The following DNAH17 variants were observed in gnomAD, a reference collection of about 807,000 sequenced individuals.
DNAH17 encodes the protein axonemal beta dynein heavy chain 17.
A neutral mutation model predicts 485.6 loss-of-function variants in DNAH17; 376 were observed. The observed-to-expected ratio is 0.77, with a 90% CI of 0.71 to 0.84. DNAH17 has a LOEUF of 0.84. DNAH17 is among the 40% of genes least tolerant of loss of function. The probability of loss-of-function intolerance (pLI) is 0.00; values close to 1 mark genes in which losing one functional copy is unlikely to be tolerated. For missense variants in DNAH17, 6,370 were observed against 5,839.3 expected (o/e 1.09, Z -2.96); for synonymous variants, 3,031 against 2,405.9 (o/e 1.26, Z -7.60).
chr17:78,494,475 T>C (rs1191599653), intron 40 of DNAH17, 118 bp downstream of exon 40: 2 of 1,207,846 alleles, frequency 1.7e-6, no homozygotes, highest in African/African-American at 1.5e-5. Context: ...AGAGGTCTCT[T>C]TGTAGCATCG....
chr17:78,542,729 G>A (rs939698430), intron 17 of DNAH17, among the ~76,000 whole-genome samples: 1 of 152,206 alleles, frequency 6.6e-6, no homozygotes, highest in Non-Finnish European at 1.5e-5. Context: ...CTGGCAAGAA[G>A]GACCAGCTGG....
chr17:78,481,871 C>T (rs2089363276), intron 48 of DNAH17, among the ~76,000 whole-genome samples: 1 of 151,936 alleles, frequency 6.6e-6, no homozygotes, highest in Non-Finnish European at 1.5e-5. Flanking sequence ...AAAAATTAGC[C>T]AGGCATGGTG....
At position 78,502,902 on chromosome 17, in the gene DNAH17, A is replaced by AG. The variant is rs2090349948; in HGVS notation, c.5065dup (p.Leu1689ProfsTer32). ...GCCTCAGACCTGGGCTGGGTAGTCC[A>AG]GGATCCACTGCTCCCTCGGCTTCTC... is the stretch of plus-strand genomic sequence containing the variant. On this transcript the variant is annotated frameshift_variant, in exon 32 of 81. Coordinates refer to ENST00000389840, the MANE Select transcript of DNAH17 (RefSeq NM_173628.4). LOFTEE classifies it high-confidence loss of function. The AG allele has an allele frequency of 6.2e-7, 1 of 1,613,912 alleles. No homozygotes were observed. Among genetic ancestry groups the AG allele is most frequent in the Non-Finnish European group, 8.5e-7 (1 of 1,179,922 alleles).
intron 36 of DNAH17, 133 bp from the exon 37 acceptor site, chr17:78,499,245 C>T (rs1245592296): frequency 6.7e-6 from 4 of 601,098 alleles, no homozygotes; most frequent in Non-Finnish European, 1.1e-5. Context: ...TGCATTGGAG[C>T]CTTCCGCAGG....
At position 78,572,906 on chromosome 17, in the gene DNAH17, C is replaced by T. The variant is rs533307182; in HGVS notation, c.346-12G>A. ...AGAGAAGAGAGGACCTAAAAGGAAA[C>T]ACTTCTGTGGTTCCGCCCCCTGTGC... On this transcript the variant is annotated splice_polypyrimidine_tract_variant and intron_variant, in intron 2 of 80. Coordinates refer to ENST00000389840, the MANE Select transcript of DNAH17 (RefSeq NM_173628.4). 3.1e-6 allele frequency: 5 copies of T among 1,611,570 alleles called. No homozygotes were observed. In the African/African-American group the frequency reaches 6.7e-5, roughly 21 times the overall value.
chr17:78,456,912 C>T (rs2087828263), intron 62 of DNAH17, among the ~76,000 whole-genome samples: 1 of 152,330 alleles, frequency 6.6e-6, no homozygotes, highest in Admixed American at 6.5e-5. Flanking sequence ...ACACAGCTTG[C>T]AGGCCTGGAA....
At position 78,450,345 on chromosome 17, in the gene DNAH17, T is replaced by C. The variant is rs896121308; in HGVS notation, c.10949A>G (p.Asn3650Ser). Reference sequence around the variant, plus strand: ...TGCCCTCTCCGCAGCCGGGCGGTAGTTCTCTCTCGCTTCGTTGATTTTAAC... The same window carrying C: ...TGCCCTCTCCGCAGCCGGGCGGTAGCTCTCTCTCGCTTCGTTGATTTTAAC... ...TEVKINEARE[N>S]YRPAAERASL... The change falls in exon 68 of 81, where the codon AAC (asparagine) becomes AGC (serine). Residue 3650 changes from asparagine to serine, a missense_variant. By Grantham distance (46) the Asn-to-Ser change is conservative. Transcript: ENST00000389840. 2 of 1,613,846 alleles carry C rather than the reference T, an allele frequency of 1.2e-6. No homozygotes were observed. Among genetic ancestry groups the C allele is most frequent in the African/African-American group, 2.7e-5 (2 of 74,948 alleles).
At chr17:78,441,281 C>A in intron 71 of DNAH17, 82 bp from the exon 72 acceptor site, 2 of 1,505,712 alleles carry the variant, frequency 1.3e-6, no homozygotes, top group South Asian at 1.2e-5. Context: ...GTGGCCCAGG[C>A]AGGGGGGCCA....
At chr17:78,427,165 G>A in intron 77 of DNAH17, 57 bp from the exon 78 acceptor site, 2 of 1,531,258 alleles carry the variant, frequency 1.3e-6, no homozygotes, top group South Asian at 1.2e-5. Context: ...CCCACCCACT[G>A]CAGGGTCAGG....
intron 59 of DNAH17, 63 bp from the exon 60 acceptor site, chr17:78,460,064 A>C (rs2088021943): frequency 6.3e-7 from 1 of 1,596,764 alleles, no homozygotes; most frequent in Non-Finnish European, 8.5e-7. Flanking sequence ...TGATGCCCCG[A>C]AGAAGCCGCC....
chr17:78,498,809 ATCTGAT>A, intron 37 of DNAH17, 193 bp downstream of exon 37: 2 of 467,080 alleles, frequency 4.3e-6, no homozygotes, highest in Non-Finnish European at 7.6e-6. Context: ...GTAACCTGTA[ATCTGAT>A]TCTGTTTTCA....
rs767767602 is a variant in DNAH17 at position 78,466,798 on chromosome 17, G to A, written c.8797C>T (p.Pro2933Ser). Reference sequence around the variant, plus strand: ...CGTACCCGCAGCACGGAGCCCACAGGGGAGAAACACAGGATCACCTGGGTG... The same window carrying A: ...CGTACCCGCAGCACGGAGCCCACAGAGGAGAAACACAGGATCACCTGGGTG... ...RQLKVILCFS[P>S]VGSVLRVRAR... is the part of the protein sequence containing the mutation. Residue 2933 changes from proline to serine, a missense_variant, in exon 56 of 81, where the codon CCT becomes TCT. By Grantham distance (74) the Pro-to-Ser change is moderately conservative (BLOSUM62 -1). Coordinates refer to ENST00000389840, the MANE Select transcript of DNAH17 (RefSeq NM_173628.4). 11 of 1,596,306 alleles carry A rather than the reference G, an allele frequency of 6.9e-6. No homozygotes were observed. Among genetic ancestry groups the A allele is most frequent in the African/African-American group, 4.1e-5 (3 of 74,050 alleles).
At chr17:78,490,914 TG>T in intron 43 of DNAH17, 67 bp from the exon 44 acceptor site, 1 of 1,485,654 alleles carries the variant, frequency 6.7e-7, no homozygotes, top group Non-Finnish European at 9.0e-7. Context: ...TGTTCTGGGG[TG>T]GGGGTTACTC....
intron 30 of DNAH17, 63 bp from the exon 31 acceptor site, chr17:78,505,508 G>A (rs553276210): frequency 6.2e-7 from 1 of 1,606,784 alleles, no homozygotes; most frequent in Admixed American, 1.7e-5. Context: ...TGCGTGGCTT[G>A]GGCTTTCCGT....
chr17:78,494,603 T>G lies in DNAH17; in HGVS notation c.6260A>C (p.Asn2087Thr), dbSNP rs185722323. ...CCCAGGAGTCCCGACCTTTTCAAAA[T>G]TCAGGTCCCGTTTCCGAGGCACGTC... ...ALDVPRKRDL[N>T]FEKIIKQSIV... is the part of the protein sequence containing the mutation. Residue 2087 changes from asparagine to threonine, a missense_variant, in exon 40 of 81, where the codon AAT (asparagine) becomes ACT (threonine). By Grantham distance (65) the Asn-to-Thr change is moderately conservative (BLOSUM62 0). Coordinates refer to ENST00000389840, the MANE Select transcript of DNAH17 (RefSeq NM_173628.4). The G allele has an allele frequency of 2.3e-4, 378 of 1,613,670 alleles. 1 individual carries two copies. In the African/African-American group the frequency reaches 4.3e-3, roughly 18 times the overall value.
In DNAH17 at chr17:78,502,643, G is replaced by A. The variant is rs766941321; in HGVS notation, c.5138C>T (p.Ala1713Val). ...GTTTTCATAGCCTTCCTCCAGCCTG[G>A]CAAATGCCAGGCCCACCTCGGTCGT... The part of the protein sequence containing the change: ...WWTTEVGLAF[A>V]RLEEGYENAI... Residue 1713 changes from alanine (A) to valine (V), a missense_variant, in exon 33 of 81, where the codon GCC becomes GTC. Coordinates refer to ENST00000389840, the MANE Select transcript of DNAH17 (RefSeq NM_173628.4). 1 of 1,612,356 alleles carries A rather than the reference G, an allele frequency of 6.2e-7. No homozygotes were observed. Among genetic ancestry groups the A allele is most frequent in the Admixed American group, 1.7e-5 (1 of 59,926 alleles).
In DNAH17 at chr17:78,514,497, C is replaced by T. The variant is rs116996582; in HGVS notation, c.4113+277G>A. Among the ~76,000 whole-genome samples the T allele has an allele frequency of 7.2e-3, 742 of 102,752 alleles. 21 individuals carry two copies. The highest frequency in any genetic ancestry group is 0.064 in the East Asian group (217 of 3,386). 67.4% of individuals were successfully genotyped at this position (102,752 alleles called of 152,430 possible). A position where few individuals can be genotyped will look rare whatever the true frequency, so the allele number is the denominator to read the frequency against. On this transcript the variant is annotated intron_variant, in intron 26 of 80. Coordinates refer to ENST00000389840, the MANE Select transcript of DNAH17 (RefSeq NM_173628.4). ...TCCAACCTGGTGACAGAACTAGACTCCGTCTCAAAAAAAAAAAAAAAAAAA... is the reference window on the plus strand; with the variant it reads ...TCCAACCTGGTGACAGAACTAGACTTCGTCTCAAAAAAAAAAAAAAAAAAA...
intron 14 of DNAH17, among the ~76,000 whole-genome samples, chr17:78,553,283 GTTTTTTTTTTTTTT>G (rs60587420): frequency 0.072 from 3,692 of 50,964 alleles, 138 homozygotes; most frequent in South Asian, 0.12. Flanking sequence ...AGGTTTTTGT[GTTTTTTTTTTTTTT>G]TTTTTTTTTT....
chr17:78,504,086 G>C (rs1178910629), intron 31 of DNAH17, among the ~76,000 whole-genome samples: 4 of 150,292 alleles, frequency 2.7e-5, no homozygotes, highest in Non-Finnish European at 5.9e-5. Context: ...TTTTTTTGGA[G>C]ATGAAGTCTC....
Sources: gnomAD v4.1 joint callset for allele counts (sites outside exome capture counted in the v4.1 genomes callset) on GRCh38, gnomAD v4.1.1 for gene constraint, MANE v1.5 for transcripts, NCBI Gene and HGNC (gene_info 2026-07-23, HGNC 2026-07-21) for gene names.